The following AMER1 variants were observed in gnomAD, a reference collection of about 807,000 sequenced individuals.
The protein encoded by AMER1 is APC membrane recruitment protein 1, also known as RP11-403E24.2.
In AMER1, 16 loss-of-function variants were observed where a neutral mutation model predicts 53.0. The ratio of observed to expected loss-of-function variants is 0.30; its 90% CI spans 0.20 to 0.46. AMER1 has a LOEUF of 0.46. AMER1 is among the 20% of genes least tolerant of loss of function. The probability of loss-of-function intolerance (pLI) is 1.00; values close to 1 mark genes in which losing one functional copy is unlikely to be tolerated. For missense variants in AMER1, 947 were observed against 884.9 expected, an observed-to-expected ratio of 1.07 and a Z score of -0.89; for synonymous variants, 354 against 331.9, an observed-to-expected ratio of 1.07 and a Z score of -0.73.
intron 1 of AMER1, among the ~76,000 whole-genome samples, chrX:64,195,220 G>C (rs935072809): frequency 2.7e-5 from 3 of 111,669 alleles, no homozygotes; most frequent in Admixed American, 9.5e-5. Flanking sequence ...CCCTGGGTCT[G>C]GTGGGAATAG....
In AMER1 at chrX:64,190,308, G is replaced by T. The variant is rs193301404; in HGVS notation, c.2979C>A (p.Thr993=). 29 of 1,210,414 alleles carry T rather than the reference G, an allele frequency of 2.4e-5. No individual in the cohort carries two copies. The highest frequency in any genetic ancestry group is 3.2e-5 in the Non-Finnish European group (29 of 895,279). Residue 993 remains threonine, a synonymous_variant, in exon 2 of 2, where the codon ACC becomes ACA. Coordinates refer to ENST00000374869, the MANE Select transcript of AMER1 (RefSeq NM_152424.4). ...PSSQSPYRQA[T]CCIPPMTMSI... ...ACATGGTCATAGGAGGTATGCAACA[G>T]GTTGCCTGCCTATATGGAGACTGGC... is the stretch of plus-strand genomic sequence containing the variant.
At chrX:64,204,499 T>C (rs1930554516) in intron 1 of AMER1, among the ~76,000 whole-genome samples, 1 of 113,080 alleles carries the variant, frequency 8.8e-6, no homozygotes, top group African/African-American at 3.2e-5. Context: ...CAGAAGTGTC[T>C]CCAGCAGACA....
chrX:64,203,601 C>T (rs1930536704), intron 1 of AMER1, among the ~76,000 whole-genome samples: 3 of 111,424 alleles, frequency 2.7e-5, no homozygotes, highest in Admixed American at 1.9e-4. Context: ...AAGTAGGCAG[C>T]CCTGGAGGAG....
In AMER1 at chrX:64,188,847, C is replaced by T. The variant is rs1930160838; in HGVS notation, c.*1032G>A. 1 of 805,266 alleles carries T rather than the reference C, an allele frequency of 1.2e-6. No homozygotes were observed. The highest frequency in any genetic ancestry group is 2.2e-5 in the African/African-American group (1 of 45,609). 66.4% of individuals were successfully genotyped at this position (805,266 alleles called of 1,213,427 possible). On this transcript the variant is annotated 3_prime_UTR_variant, in exon 2 of 2. Transcript: ENST00000374869. ...GTCAAGCCTAATTTAGGTTGCTTCT[C>T]TTCCCTTATCTCAATTAAAAGACCG...
chrX:64,194,044 A>C (rs780038968), intron 1 of AMER1, among the ~76,000 whole-genome samples: 7 of 112,024 alleles, frequency 6.2e-5, no homozygotes, highest in African/African-American at 2.3e-4. Context: ...AGAACCTGCT[A>C]AGACAATGAA....
chrX:64,195,871 A>C (rs150814533), intron 1 of AMER1, among the ~76,000 whole-genome samples: 2,218 of 112,336 alleles, frequency 0.02, 34 homozygotes, highest in Admixed American at 0.047. Context: ...GAAAGGGAGA[A>C]AGACACTTCT....
At chrX:64,204,560 G>A (rs766602326) in intron 1 of AMER1, among the ~76,000 whole-genome samples, 1 of 113,250 alleles carries the variant, frequency 8.8e-6, no homozygotes, top group African/African-American at 3.2e-5. Flanking sequence ...GAAGTTGGAG[G>A]GTTTGGCCAC....
rs1205241247 is a variant in AMER1, at chrX:64,189,514, G to GTGTGTGTGTGTGTA, written c.*364_*365insTACACACACACACA. 1 of 28,060 alleles carries GTGTGTGTGTGTGTA rather than the reference G, an allele frequency of 3.6e-5. No homozygotes were observed. Among genetic ancestry groups the GTGTGTGTGTGTGTA allele is most frequent in the Admixed American group, 7.7e-4 (1 of 1,293 alleles). The allele number at this position is 28,060 out of a possible 1,213,427, so 2.3% of individuals were successfully genotyped here. ...TGTGTGTGTGTGTGTGTGTGTGTGTGTATATATATATATATATATATATAT... is the reference window on the plus strand; with the variant it reads ...TGTGTGTGTGTGTGTGTGTGTGTGTGTGTGTGTGTGTGTATATATATATATATATATATATATAT... On this transcript the variant is annotated 3_prime_UTR_variant, in exon 2 of 2. Coordinates refer to ENST00000374869, the MANE Select transcript of AMER1 (RefSeq NM_152424.4).
chrX:64,190,831 T>C lies in AMER1; in HGVS notation c.2456A>G (p.Glu819Gly). Residue 819 changes from glutamate (E) to glycine (G), a missense_variant, in exon 2 of 2, where the codon GAA becomes GGA. Transcript: ENST00000374869. ...FDIADVERDG[E>G]GKCEENPEFH... ...CTCAGGATTCTCTTCACACTTGCCT[T>C]CCCCATCCCGTTCCACATCAGCGAT... 1 of 1,211,461 alleles carries C rather than the reference T, an allele frequency of 8.3e-7. No individual in the cohort carries two copies. The highest frequency in any genetic ancestry group is 1.1e-6 in the Non-Finnish European group (1 of 895,416).
Position 64,188,675 on chromosome X carries a change from G to A in AMER1, c.*1204C>T, listed in dbSNP as rs1305100869. The A allele has an allele frequency of 3.7e-6, 3 of 800,288 alleles. No individual in the cohort carries two copies. Among genetic ancestry groups the A allele is most frequent in the Non-Finnish European group, 4.5e-6 (3 of 667,553 alleles). The allele number at this position is 800,288 out of a possible 1,213,427, so 66.0% of individuals were successfully genotyped here. On this transcript the variant is annotated 3_prime_UTR_variant, in exon 2 of 2. Coordinates refer to ENST00000374869, the MANE Select transcript of AMER1 (RefSeq NM_152424.4). ...AGGCTTAAGGAACATTTTGTGTTGG[G>A]AGGCTTGAGAAGGGAGTTTTCCCTT...
Position 64,192,437 on chromosome X carries a change from G to A in AMER1, c.850C>T (p.Pro284Ser), listed in dbSNP as rs2147089606. The change falls in exon 2 of 2, where the codon CCC becomes TCC. Residue 284 changes from proline to serine, a missense_variant. Pro to Ser is a moderately conservative substitution (Grantham distance 74). Coordinates refer to ENST00000374869, the MANE Select transcript of AMER1 (RefSeq NM_152424.4). ...PAPEASSLEE[P>S]HSPETGEKVV... ...TTCTCCCCTGTTTCTGGGCTATGGG[G>A]CTCCTCTAGGCTACTGGCTTCAGGG... 8.3e-7 allele frequency: 1 copy of A among 1,205,296 alleles called. No individual in the cohort carries two copies. Among genetic ancestry groups the A allele is most frequent in the Middle Eastern group, 2.3e-4 (1 of 4,304 alleles).
Position 64,190,142 on chromosome X carries a change from G to C in AMER1, c.3145C>G (p.Arg1049Gly), listed in dbSNP as rs780779666. The C allele has an allele frequency of 8.3e-7, 1 of 1,208,640 alleles. No individual in the cohort carries two copies. The highest frequency in any genetic ancestry group is 1.1e-6 in the Non-Finnish European group (1 of 893,858). Reference sequence around the variant, plus strand: ...TCATCAACAGGCAGCAGCACATCTCGAGGCCTGGCCCTCATGCTCTGGGAG... The same window carrying C: ...TCATCAACAGGCAGCAGCACATCTCCAGGCCTGGCCCTCATGCTCTGGGAG... ...QASQSMRARP[R>G]DVLLPVDEPS... The change falls in exon 2 of 2, where the codon CGA becomes GGA. Residue 1049 changes from arginine to glycine, a missense_variant. Arg to Gly is a moderately radical substitution (Grantham distance 125, BLOSUM62 -2). Transcript: ENST00000374869.
chrX:64,195,616 T>G (rs1377799421), intron 1 of AMER1, among the ~76,000 whole-genome samples: 1 of 112,009 alleles, frequency 8.9e-6, no homozygotes, highest in African/African-American at 3.2e-5. Flanking sequence ...AAACTGCGCA[T>G]GCGAAGGATC....
Position 64,190,626 on chromosome X carries a change from C to A in AMER1, c.2661G>T (p.Met887Ile), listed in dbSNP as rs2147085580. Residue 887 changes from methionine to isoleucine, a missense_variant, in exon 2 of 2, where the codon ATG becomes ATT. Met to Ile is a conservative substitution (Grantham distance 10). Transcript: ENST00000374869. ...GLHPRPPPAA[M>I]ALNRRSRSLD... is the part of the protein sequence containing the mutation. The stretch of plus-strand genomic sequence containing the variant: ...GAGAGCGGCTTCTCCTGTTGAGGGC[C>A]ATAGCAGCAGGTGGAGGTCGAGGGT... 1.7e-6 allele frequency: 2 copies of A among 1,211,925 alleles called. No individual in the cohort carries two copies. The highest frequency in any genetic ancestry group is 5.9e-5 in the East Asian group (2 of 33,823).
chrX:64,193,100 T>C lies in AMER1; in HGVS notation c.187A>G (p.Lys63Glu). Residue 63 changes from lysine to glutamate, a missense_variant, in exon 2 of 2, where the codon AAG becomes GAG. Physicochemically the swap from Lys to Glu is moderately conservative, Grantham distance 56. Transcript: ENST00000374869. ...KKTAMKLFGGKKGICTLPSFF... is the reference protein window; with the variant it reads ...KKTAMKLFGGEKGICTLPSFF... ...CTAGGCAGAGTACAGATACCCTTCT[T>C]GCCACCAAAGAGTTTCATGGCAGTT... The C allele has an allele frequency of 8.3e-7, 1 of 1,212,120 alleles. No homozygotes were observed. Among genetic ancestry groups the C allele is most frequent in the Non-Finnish European group, 1.1e-6 (1 of 895,627 alleles).
rs1176926572 is a variant in AMER1, at chrX:64,190,013, G to A, written c.3274C>T (p.Pro1092Ser). Residue 1092 changes from proline to serine, a missense_variant, in exon 2 of 2, where the codon CCT becomes TCT. Physicochemically the swap from Pro to Ser is moderately conservative, Grantham distance 74. Transcript: ENST00000374869. ...GTGGGCTGAGGCTGGGGGTGCTCAG[G>A]CCGGACCCTGGGCAGCTGAGGAATG... ...HGIPQLPRVR[P>S]EHPQPQPTHY... is the part of the protein sequence containing the mutation. The A allele has an allele frequency of 8.6e-5, 104 of 1,204,971 alleles. No individual in the cohort carries two copies. Among genetic ancestry groups the A allele is most frequent in the Non-Finnish European group, 1.2e-4 (104 of 892,649 alleles).
rs1313070392 is a variant in AMER1 at position 64,185,121 on chromosome X, T to A, written c.*4758A>T. ...AACCACAAGAATGCACATTAGTGAC[T>A]GAGGGGTTCCCTCTTGAACCCAGAA... On this transcript the variant is annotated 3_prime_UTR_variant, in exon 2 of 2. Coordinates refer to ENST00000374869, the MANE Select transcript of AMER1 (RefSeq NM_152424.4). 2 of 142,373 alleles carry A rather than the reference T, an allele frequency of 1.4e-5. No individual in the cohort carries two copies. 11.7% of individuals were successfully genotyped at this position (142,373 alleles called of 1,213,427 possible).
rs778708592 is a variant in AMER1 at position 64,190,317 on chromosome X, C to A, written c.2970G>T (p.Arg990Ser). Residue 990 changes from arginine (R) to serine (S), a missense_variant, in exon 2 of 2, where the codon AGG (arginine) becomes AGT (serine). By Grantham distance (110) the Arg-to-Ser change is moderately radical. Transcript: ENST00000374869. ...LDRPSSQSPY[R>S]QATCCIPPMT... ...TAGGAGGTATGCAACAGGTTGCCTGCCTATATGGAGACTGGCTGGAAGGCC... is the reference window on the plus strand; with the variant it reads ...TAGGAGGTATGCAACAGGTTGCCTGACTATATGGAGACTGGCTGGAAGGCC... 7.4e-6 allele frequency: 9 copies of A among 1,211,689 alleles called. No homozygotes were observed. Among genetic ancestry groups the A allele is most frequent in the Non-Finnish European group, 1.0e-5 (9 of 895,465 alleles).
rs747267454 is a variant in AMER1 at position 64,192,862 on chromosome X, C to G, written c.425G>C (p.Arg142Thr). ...GGCTCCAGCCACAGATGTCTTACAT[C>G]TGGAGCCTGTCTCCAAAGCCCCATG... ...SAHGALETGSRCKTSVAGATE... is the reference protein window; with the variant it reads ...SAHGALETGSTCKTSVAGATE... Residue 142 changes from arginine to threonine, a missense_variant, in exon 2 of 2, where the codon AGA becomes ACA. Arg to Thr is a moderately conservative substitution (Grantham distance 71). Coordinates refer to ENST00000374869, the MANE Select transcript of AMER1 (RefSeq NM_152424.4). 8.2e-7 allele frequency: 1 copy of G among 1,212,201 alleles called. No homozygotes were observed. Among genetic ancestry groups the G allele is most frequent in the South Asian group, 1.8e-5 (1 of 57,033 alleles).
Sources: gnomAD v4.1 joint callset for allele counts (sites outside exome capture counted in the v4.1 genomes callset) on GRCh38, gnomAD v4.1.1 for gene constraint, MANE v1.5 for transcripts, NCBI Gene and HGNC (gene_info 2026-07-23, HGNC 2026-07-21) for gene names.